The following OR4D10 variants were observed in gnomAD, a reference collection of about 807,000 sequenced individuals.
OR4D10 encodes olfactory receptor 4D10.
For synonymous variants in OR4D10, 188 were observed against 153.2 expected (o/e 1.23, Z -1.68); for missense variants, 395 against 378.0 (o/e 1.04, Z -0.37).
At position 59,478,043 on chromosome 11, in the gene OR4D10, T is replaced by G; in HGVS notation, c.614T>G (p.Leu205Arg). ...CTACTAATGATTTCCAACAATGGAC[T>G]GCTCACCACACTGTGGTTTTTCCTG... ...LELLMISNNG[L>R]LTTLWFFLLL... The change falls in exon 3 of 3, where the codon CTG becomes CGG. Residue 205 changes from leucine (L) to arginine (R), a missense_variant. Physicochemically the swap from Leu to Arg is moderately radical, Grantham distance 102. Coordinates refer to ENST00000530162, the MANE Select transcript of OR4D10 (RefSeq NM_001004705.2). The G allele has an allele frequency of 1.2e-6, 2 of 1,614,198 alleles. No homozygotes were observed. The highest frequency in any genetic ancestry group is 1.7e-6 in the Non-Finnish European group (2 of 1,180,026).
intron 2 of OR4D10, among the ~76,000 whole-genome samples, chr11:59,476,115 G>A (rs569476387): frequency 1.3e-5 from 2 of 152,218 alleles, no homozygotes; most frequent in East Asian, 1.9e-4. Context: ...TTATCTGTGG[G>A]GAGAAATTTT....
In OR4D10 at chr11:59,477,814, C is replaced by T; in HGVS notation, c.385C>T (p.Pro129Ser). The part of the protein sequence containing the change: ...ALDRYVAISK[P>S]LHYATIMSRD... ...GGATCGATATGTGGCCATCTCCAAG[C>T]CCCTGCACTATGCGACTATCATGAG... Residue 129 changes from proline (P) to serine (S), a missense_variant, in exon 3 of 3, where the codon CCC (proline) becomes TCC (serine). Physicochemically the swap from Pro to Ser is moderately conservative, Grantham distance 74. Coordinates refer to ENST00000530162, the MANE Select transcript of OR4D10 (RefSeq NM_001004705.2). The T allele has an allele frequency of 6.2e-7, 1 of 1,614,092 alleles. No homozygotes were observed. The highest frequency in any genetic ancestry group is 8.5e-7 in the Non-Finnish European group (1 of 1,180,006).
rs575838016 is a variant in OR4D10, at chr11:59,474,853, G to A, written c.-169+1060G>A. 2.4e-3 allele frequency among the ~76,000 whole-genome samples: 371 copies of A among 151,476 alleles called. 2 individuals are homozygous for A. The highest frequency in any genetic ancestry group is 0.01 in the Middle Eastern group (3 of 292). ...GGGCGGATCACGAGGTCAGGAGATC[G>A]AGACCATCCTGGCTAACACAGTGAA... On this transcript the variant is annotated intron_variant, in intron 2 of 2. Transcript: ENST00000530162.
rs761681012 is a variant in OR4D10, at chr11:59,478,350, T to C, written c.921T>C (p.Pro307=). The change falls in exon 3 of 3, where the codon CCT becomes CCC. Residue 307 remains proline (P), a synonymous_variant. Coordinates refer to ENST00000530162, the MANE Select transcript of OR4D10 (RefSeq NM_001004705.2). ...AMRRLKRRLV[P]SDRK ...GGAGACTGAAGAGAAGACTTGTGCC[T>C]TCTGATAGAAAATAGAAAAAAAAAT... The C allele has an allele frequency of 6.3e-7, 1 of 1,580,152 alleles. No homozygotes were observed. Among genetic ancestry groups the C allele is most frequent in the Admixed American group, 1.9e-5 (1 of 53,404 alleles).
chr11:59,476,924 A>G (rs896805386), intron 2 of OR4D10, among the ~76,000 whole-genome samples: 1 of 152,094 alleles, frequency 6.6e-6, no homozygotes, highest in African/African-American at 2.4e-5. Context: ...GCAAAAAAAA[A>G]CTGATAATAA....
intron 2 of OR4D10, among the ~76,000 whole-genome samples, chr11:59,475,485 C>T (rs1858895436): frequency 6.6e-6 from 1 of 152,192 alleles, no homozygotes; most frequent in South Asian, 2.1e-4. Flanking sequence ...AGCTAGAGCG[C>T]TGCTGTGCTT....
chr11:59,476,790 G>A (rs1565083670), intron 2 of OR4D10, among the ~76,000 whole-genome samples: 1 of 151,886 alleles, frequency 6.6e-6, no homozygotes, highest in African/African-American at 2.4e-5. Flanking sequence ...CCAATCCAGA[G>A]CTCTCTTCAC....
At chr11:59,475,786 C>A (rs1858899773) in intron 2 of OR4D10, among the ~76,000 whole-genome samples, 1 of 152,116 alleles carries the variant, frequency 6.6e-6, no homozygotes, top group Non-Finnish European at 1.5e-5. Context: ...TTAATGACAT[C>A]AATTTCTGCA....
Position 59,475,060 on chromosome 11 carries a change from C to A in OR4D10, c.-169+1267C>A, listed in dbSNP as rs868573327. On this transcript the variant is annotated intron_variant, in intron 2 of 2. Coordinates refer to ENST00000530162, the MANE Select transcript of OR4D10 (RefSeq NM_001004705.2). The stretch of plus-strand genomic sequence containing the variant: ...TGGGTGACAGAGTGAGACTCTGTCT[C>A]AAAAAAAAAAAAAAAAGGAAAAAGA... 7.3e-3 allele frequency among the ~76,000 whole-genome samples: 487 copies of A among 66,720 alleles called. 1 individual carries two copies. Among genetic ancestry groups the A allele is most frequent in the Middle Eastern group, 0.013 (1 of 76 alleles). The allele number at this position is 66,720 out of a possible 152,430, so 43.8% of individuals were successfully genotyped here. A position where few individuals can be genotyped will look rare whatever the true frequency, so the allele number is the denominator to read the frequency against.
Position 59,477,528 on chromosome 11 carries a change from G to GAAACCCACCAAA in OR4D10, c.99_100insAAACCCACCAAA (p.Leu33_Val34insLysProThrLys), listed in dbSNP as rs771962978. 5.0e-6 allele frequency: 8 copies of GAAACCCACCAAA among 1,613,938 alleles called. No homozygotes were observed. Among genetic ancestry groups the GAAACCCACCAAA allele is most frequent in the Middle Eastern group, 3.3e-4 (2 of 6,050 alleles). On this transcript the variant is annotated inframe_insertion, in exon 3 of 3. Transcript: ENST00000530162. The stretch of plus-strand genomic sequence containing the variant: ...TAGTCTTATTTCTTTTCCTACTCTT[G>GAAACCCACCAAA]GTGTATGTGACAACTTTGCTGGGAA...
rs1275465580 is a variant in OR4D10 at position 59,476,219 on chromosome 11, TC to T, written c.-168-1041del. ...GGAGATTGCAGGGACGTCAACGCTC[TC>T]CAGCTGATTTTCTCCCAGACACATG... On this transcript the variant is annotated intron_variant, in intron 2 of 2. Transcript: ENST00000530162. 2.6e-5 allele frequency among the ~76,000 whole-genome samples: 4 copies of T among 152,226 alleles called. No homozygotes were observed. In the East Asian group the frequency reaches 7.7e-4, roughly 29 times the overall value.
Position 59,478,381 on chromosome 11 carries a change from G to A in OR4D10, c.*16G>A. 1 of 1,495,804 alleles carries A rather than the reference G, an allele frequency of 6.7e-7. No homozygotes were observed. The highest frequency in any genetic ancestry group is 1.3e-5 in the South Asian group (1 of 76,510). The allele number at this position is 1,495,804 out of a possible 1,614,324, so 92.7% of individuals were successfully genotyped here. A position where few individuals can be genotyped will look rare whatever the true frequency, so the allele number is the denominator to read the frequency against. On this transcript the variant is annotated 3_prime_UTR_variant, in exon 3 of 3. Transcript: ENST00000530162. ...TAGAAAATAGAAAAAAAAATCCTCAGCTCTTCATCACCAAAGATATCTTAT... is the reference window on the plus strand; with the variant it reads ...TAGAAAATAGAAAAAAAAATCCTCAACTCTTCATCACCAAAGATATCTTAT...
Position 59,478,228 on chromosome 11 carries a change from A to G in OR4D10, c.799A>G (p.Met267Val). ...VYARPFTALP[M>V]DKAISVTFTV... Reference sequence around the variant, plus strand: ...TGCCCGGCCCTTCACTGCCCTCCCCATGGATAAGGCCATCTCTGTCACCTT... The same window carrying G: ...TGCCCGGCCCTTCACTGCCCTCCCCGTGGATAAGGCCATCTCTGTCACCTT... The change falls in exon 3 of 3, where the codon ATG becomes GTG. Residue 267 changes from methionine to valine, a missense_variant. By Grantham distance (21) the Met-to-Val change is conservative (BLOSUM62 1). Transcript: ENST00000530162. 1.2e-6 allele frequency: 2 copies of G among 1,612,390 alleles called. No individual in the cohort carries two copies. The highest frequency in any genetic ancestry group is 1.7e-6 in the Non-Finnish European group (2 of 1,179,072).
chr11:59,476,844 G>GA (rs111986969), intron 2 of OR4D10, among the ~76,000 whole-genome samples: 3,243 of 150,962 alleles, frequency 0.021, 115 homozygotes, highest in African/African-American at 0.07. Flanking sequence ...TTCCTTTGGG[G>GA]GAAAAAAAAA....
At position 59,478,177 on chromosome 11, in the gene OR4D10, C is replaced by A. The variant is rs1390407586; in HGVS notation, c.748C>A (p.His250Asn). 6.2e-7 allele frequency: 1 copy of A among 1,614,002 alleles called. No homozygotes were observed. The highest frequency in any genetic ancestry group is 1.3e-5 in the African/African-American group (1 of 74,904). ...CTSHITVVTLHFVPCIYVYAR... is the reference protein window; with the variant it reads ...CTSHITVVTLNFVPCIYVYAR... ...CTCCCACATCACTGTGGTGACCCTG[C>A]ATTTCGTGCCCTGCATCTATGTCTA... is the stretch of plus-strand genomic sequence containing the variant. Residue 250 changes from histidine (H) to asparagine (N), a missense_variant, in exon 3 of 3, where the codon CAT becomes AAT. Transcript: ENST00000530162.
intron 2 of OR4D10, among the ~76,000 whole-genome samples, chr11:59,475,542 G>A (rs1164508959): frequency 2.0e-5 from 3 of 152,186 alleles, no homozygotes; most frequent in Admixed American, 1.3e-4. Context: ...GTGTGATTAT[G>A]CACTTACATG....
chr11:59,478,277 A>T lies in OR4D10; in HGVS notation c.848A>T (p.Asn283Ile). The T allele has an allele frequency of 6.8e-7, 1 of 1,471,968 alleles. No individual in the cohort carries two copies. The highest frequency in any genetic ancestry group is 9.0e-7 in the Non-Finnish European group (1 of 1,113,576). 91.2% of individuals were successfully genotyped at this position (1,471,968 alleles called of 1,614,324 possible). ...VTFTVISPLL[N>I]PLIYTLRNHE... ...TTCACTGTCATCTCCCCTCTGCTCA[A>T]CCCCTTGATCTACACTCTGAGGAAC... is the stretch of plus-strand genomic sequence containing the variant. The change falls in exon 3 of 3, where the codon AAC (asparagine) becomes ATC (isoleucine). Residue 283 changes from asparagine to isoleucine, a missense_variant. Physicochemically the swap from Asn to Ile is moderately radical, Grantham distance 149 (BLOSUM62 -3). Transcript: ENST00000530162.
intron 2 of OR4D10, among the ~76,000 whole-genome samples, chr11:59,474,026 G>C (rs1351834987): frequency 6.6e-6 from 1 of 152,196 alleles, no homozygotes; most frequent in Non-Finnish European, 1.5e-5. Context: ...GTTTCAACCT[G>C]TAGTGACTGA....
Position 59,478,266 on chromosome 11 carries a change from C to G in OR4D10, c.837C>G (p.Ser279=). The G allele has an allele frequency of 7.3e-7, 1 of 1,364,304 alleles. No individual in the cohort carries two copies. The highest frequency in any genetic ancestry group is 9.5e-7 in the Non-Finnish European group (1 of 1,051,392). The allele number at this position is 1,364,304 out of a possible 1,614,324, so 84.5% of individuals were successfully genotyped here. Residue 279 remains serine, a synonymous_variant, in exon 3 of 3, where the codon TCC becomes TCG. Coordinates refer to ENST00000530162, the MANE Select transcript of OR4D10 (RefSeq NM_001004705.2). ...KAISVTFTVI[S]PLLNPLIYTL... ...TCTCTGTCACCTTCACTGTCATCTC[C>G]CCTCTGCTCAACCCCTTGATCTACA...
Sources: allele counts gnomAD v4.1 joint callset (sites outside exome capture counted in the v4.1 genomes callset), GRCh38; gene constraint gnomAD v4.1.1; transcripts MANE v1.5; gene names NCBI Gene and HGNC (gene_info 2026-07-23, HGNC 2026-07-21).